ACCS: variants seen among roughly 807,000 people sequenced by gnomAD.
ACCS encodes the protein 1-aminocyclopropane-1-carboxylate synthase homolog (inactive), also known as 1-aminocyclopropane-1-carboxylate synthase-like protein 1.
A neutral mutation model predicts 59.8 loss-of-function variants in ACCS; 42 were observed. The ratio of observed to expected loss-of-function variants is 0.70; its 90% confidence interval spans 0.55 to 0.91. The LOEUF is 0.91. ACCS is among the 40% of genes least tolerant of loss of function. The probability of loss-of-function intolerance (pLI) is 0.00; values close to 1 mark genes in which losing one functional copy is unlikely to be tolerated. For synonymous variants in ACCS, 230 were observed against 240.3 expected (o/e 0.96, Z 0.40); for missense variants, 602 against 630.4 (o/e 0.95, Z 0.48).
chr11:44,074,734 C>CTCCTTTCTTTCTTTCTTTCTT (rs1953228236), intron 5 of ACCS, 53 bp downstream of exon 5: 1 of 539,708 alleles, frequency 1.9e-6, no homozygotes, highest in African/African-American at 3.7e-5. Flanking sequence ...CCCTCTCCAT[C>CTCCTTTCTTTCTTTCTTTCTT]TCTTTCTTTC....
At chr11:44,067,951 A>C (rs1952868381) in intron 2 of ACCS, 36 bp downstream of exon 2, 1 of 1,559,452 alleles carries the variant, frequency 6.4e-7, no homozygotes, top group Non-Finnish European at 8.7e-7. Flanking sequence ...GACCCAAGAG[A>C]GAACTGCAGG....
At chr11:44,068,642 G>A (rs1472688712) in intron 2 of ACCS, among the ~76,000 whole-genome samples, 1 of 152,110 alleles carries the variant, frequency 6.6e-6, no homozygotes, top group Non-Finnish European at 1.5e-5. Context: ...AATAAAATGG[G>A]ATAATAATAC....
chr11:44,077,384 T>C lies in ACCS; in HGVS notation c.654+8T>C. ...GTCTACCTGGACAGTGAGGTAAGAG[T>C]CTTGACTTCCTAGGTGGAACCTGGG... On this transcript the variant is annotated splice_region_variant and intron_variant, in intron 7 of 14. Coordinates refer to ENST00000263776, the MANE Select transcript of ACCS (RefSeq NM_032592.4). The C allele has an allele frequency of 6.2e-7, 1 of 1,613,062 alleles. No individual in the cohort carries two copies. The highest frequency in any genetic ancestry group is 1.1e-5 in the South Asian group (1 of 90,968).
In ACCS at chr11:44,081,113, A is replaced by G. The variant is rs370431731; in HGVS notation, c.969+48A>G. The G allele has an allele frequency of 3.9e-5, 63 of 1,614,168 alleles. 1 individual carries two copies. The South Asian group carries it at 6.5e-4, about 17-fold the overall frequency. ...GGGTGTCAGAAGGGTGGGAGGGCAG[A>G]GAGGTGGGTGGAACCAGCTTCCTCC... On this transcript the variant is annotated intron_variant, in intron 11 of 14. Coordinates refer to ENST00000263776, the MANE Select transcript of ACCS (RefSeq NM_032592.4).
At chr11:44,073,134 T>C (rs1336833337) in intron 3 of ACCS, among the ~76,000 whole-genome samples, 1 of 152,190 alleles carries the variant, frequency 6.6e-6, no homozygotes, top group Non-Finnish European at 1.5e-5. Flanking sequence ...CTTCCGTTAA[T>C]ACTTTTGCAA....
In ACCS at chr11:44,083,126, G is replaced by T. The variant is rs755663016; in HGVS notation, c.1112-43G>T. Reference sequence around the variant, plus strand: ...TTTAGACTAGTGGGACCAAGTAGAGGGTTGATGGGATATTGATCTTCTGGC... The same window carrying T: ...TTTAGACTAGTGGGACCAAGTAGAGTGTTGATGGGATATTGATCTTCTGGC... On this transcript the variant is annotated intron_variant, in intron 12 of 14. Transcript: ENST00000263776. The T allele has an allele frequency of 2.5e-6, 4 of 1,593,148 alleles. No individual in the cohort carries two copies. The South Asian group carries it at 4.4e-5, about 18-fold the overall frequency.
rs1370909510 is a variant in ACCS, at chr11:44,071,331, C to T, written c.348+16C>T. The T allele has an allele frequency of 6.2e-7, 1 of 1,612,760 alleles. No homozygotes were observed. The highest frequency in any genetic ancestry group is 8.5e-7 in the Non-Finnish European group (1 of 1,178,940). On this transcript the variant is annotated intron_variant, in intron 3 of 14. Coordinates refer to ENST00000263776, the MANE Select transcript of ACCS (RefSeq NM_032592.4). ...GTCCTGGCGGGTAAGTCCTAGGGCC[C>T]CTCTAGGGGGCATCACCAGCTCCGA...
chr11:44,075,513 A>G lies in ACCS; in HGVS notation c.490-13A>G. On this transcript the variant is annotated splice_polypyrimidine_tract_variant and intron_variant, in intron 5 of 14. Transcript: ENST00000263776. ...ACTGGTTCATCTTCATCCCTTGGAT[A>G]TGTCGCCCTTAGGTGGTTGTCCTGA... 2 of 1,613,838 alleles carry G rather than the reference A, an allele frequency of 1.2e-6. No homozygotes were observed. The highest frequency in any genetic ancestry group is 1.7e-6 in the Non-Finnish European group (2 of 1,179,756).
At chr11:44,079,306 T>A in intron 9 of ACCS, 1 of 513,720 alleles carries the variant, frequency 1.9e-6, no homozygotes, top group Non-Finnish European at 3.5e-6. Flanking sequence ...GGGAGATCCT[T>A]TTCTCCCCTG....
At position 44,078,707 on chromosome 11, in the gene ACCS, C is replaced by G. The variant is rs1953492399; in HGVS notation, c.756C>G (p.Ile252Met). Reference sequence around the variant, plus strand: ...AGGGTGTGAAGGTCAAAGGCCTCATCCTCATCAGCCCCCAGAACCCTCTGG... The same window carrying G: ...AGGGTGTGAAGGTCAAAGGCCTCATGCTCATCAGCCCCCAGAACCCTCTGG... The part of the protein sequence containing the change: ...HSEGVKVKGL[I>M]LISPQNPLGD... Residue 252 changes from isoleucine to methionine, a missense_variant, in exon 9 of 15, where the codon ATC (isoleucine) becomes ATG (methionine). Physicochemically the swap from Ile to Met is conservative, Grantham distance 10. Transcript: ENST00000263776. The G allele has an allele frequency of 6.2e-7, 1 of 1,614,068 alleles. No individual in the cohort carries two copies. Among genetic ancestry groups the G allele is most frequent in the Non-Finnish European group, 8.5e-7 (1 of 1,180,012 alleles).
rs1237502339 is a variant in ACCS, at chr11:44,081,006, T to G, written c.924-14T>G. 1 of 1,614,192 alleles carries G rather than the reference T, an allele frequency of 6.2e-7. No individual in the cohort carries two copies. Among genetic ancestry groups the G allele is most frequent in the South Asian group, 1.1e-5 (1 of 91,092 alleles). On this transcript the variant is annotated splice_polypyrimidine_tract_variant and intron_variant, in intron 10 of 14. Coordinates refer to ENST00000263776, the MANE Select transcript of ACCS (RefSeq NM_032592.4). ...TTCTGTGTTGCCTCTGTTCCCATGC[T>G]GTGCTCTCTGCAGGCTCCCTGACCC...
In ACCS at chr11:44,078,793, C is replaced by T. The variant is rs773718490; in HGVS notation, c.833+9C>T. On this transcript the variant is annotated intron_variant, in intron 9 of 14. Transcript: ENST00000263776. ...CTGGTATTTGCCAAGAGGTGAGGCA[C>T]CCCACACTGGCCCCGACAGAGCGTC... The T allele has an allele frequency of 8.1e-6, 13 of 1,612,328 alleles. No homozygotes were observed. In the Admixed American group the frequency reaches 1.8e-4, roughly 23 times the overall value.
rs1171793375 is a variant in ACCS, at chr11:44,068,478, A to G, written c.288+563A>G. ...AAATTAACAGGGTGTGGTGGCGTGC[A>G]CTTGTGGTCCCAGCTACTGGGGAGG... On this transcript the variant is annotated intron_variant, in intron 2 of 14. Transcript: ENST00000263776. Among the ~76,000 whole-genome samples the G allele has an allele frequency of 2.0e-5, 3 of 152,102 alleles. No homozygotes were observed. The East Asian group carries it at 5.8e-4, about 29-fold the overall frequency.
At position 44,081,176 on chromosome 11, in the gene ACCS, C is replaced by T. The variant is rs751492126; in HGVS notation, c.970-3C>T. ...CCACCGCCTAGGGTGCTTCTTCCTG[C>T]AGGACTTCGGGATGTCTGGGCTCCG... is the stretch of plus-strand genomic sequence containing the variant. On this transcript the variant is annotated splice_polypyrimidine_tract_variant and splice_region_variant and intron_variant, in intron 11 of 14. Transcript: ENST00000263776. 2 of 1,614,240 alleles carry T rather than the reference C, an allele frequency of 1.2e-6. No homozygotes were observed. Among genetic ancestry groups the T allele is most frequent in the East Asian group, 2.2e-5 (1 of 44,880 alleles).
At chr11:44,078,836 C>A in intron 9 of ACCS, 52 bp downstream of exon 9, 2 of 1,522,214 alleles carry the variant, frequency 1.3e-6, no homozygotes, top group East Asian at 2.3e-5. Context: ...CCTGGGGTTC[C>A]AATGCGGGTT....
chr11:44,077,583 A>G, intron 7 of ACCS: 1 of 1,437,292 alleles, frequency 7.0e-7, no homozygotes, highest in African/African-American at 1.4e-5. Context: ...TTGATGTAGA[A>G]GCCAAGAGCC....
intron 6 of ACCS, 137 bp from the exon 7 acceptor site, chr11:44,077,142 G>T: frequency 5.4e-6 from 5 of 921,670 alleles, no homozygotes; most frequent in Non-Finnish European, 6.4e-6. Flanking sequence ...AAAGTGTTTT[G>T]GGAGTTAAGA....
At chr11:44,082,049 CCTTATTATTTTA>C (rs1203794700) in intron 12 of ACCS, 3 of 152,148 alleles carry the variant, frequency 2.0e-5, no homozygotes, top group Non-Finnish European at 4.4e-5. Flanking sequence ...CTTATATTTT[CCTTATTATTTTA>C]CAGATGAGGA....
At chr11:44,073,383 C>A in intron 3 of ACCS, 64 bp from the exon 4 acceptor site, 2 of 1,353,574 alleles carry the variant, frequency 1.5e-6, no homozygotes, top group Admixed American at 1.8e-5. Context: ...CTTTACCTGC[C>A]CTGTGCTGTG....
Sources: allele counts gnomAD v4.1 joint callset (sites outside exome capture counted in the v4.1 genomes callset), GRCh38; gene constraint gnomAD v4.1.1; transcripts MANE v1.5; gene names NCBI Gene and HGNC (gene_info 2026-07-23, HGNC 2026-07-21).